SUGCT: variants seen among roughly 807,000 people sequenced by gnomAD.
SUGCT encodes the protein succinyl-CoA:glutarate-CoA transferase, also known as succinyl-CoA:glutarate CoA-transferase.
Under a neutral mutation model 55.0 loss-of-function variants are expected in SUGCT, and 41 were observed. The observed-to-expected ratio is 0.74, with a 90% CI of 0.58 to 0.97. The LOEUF (loss-of-function observed/expected upper bound fraction) is 0.97, where lower values mean the gene tolerates loss of function less well. Among genes scored for constraint, SUGCT ranks in the 50% least tolerant of loss-of-function variants. The pLI is 0.00. For missense variants in SUGCT, 568 were observed against 547.8 expected, an observed-to-expected ratio of 1.04 and a Z score of -0.37; for synonymous variants, 187 against 200.4, an observed-to-expected ratio of 0.93 and a Z score of 0.56.
chr7:40,201,663 T>C (rs1392640678), intron 6 of SUGCT, among the ~76,000 whole-genome samples: 1 of 152,228 alleles, frequency 6.6e-6, no homozygotes, highest in Non-Finnish European at 1.5e-5. Flanking sequence ...AGCATATAAA[T>C]ATAGGGTTTC....
chr7:40,743,016 A>G (rs1787546820), intron 12 of SUGCT, among the ~76,000 whole-genome samples: 1 of 152,198 alleles, frequency 6.6e-6, no homozygotes, highest in East Asian at 1.9e-4. Flanking sequence ...GTTTTCTTCA[A>G]GTTTAGTAGA....
the SUGCT span, among the ~76,000 whole-genome samples, chr7:40,889,479 T>C: frequency 3.9e-5 from 6 of 152,122 alleles, no homozygotes; most frequent in African/African-American, 1.4e-4. Context: ...TCAAAAGTAG[T>C]TCCCAGGGGC....
chr7:40,298,102 A>G (rs1045369774), intron 8 of SUGCT, among the ~76,000 whole-genome samples: 2 of 151,442 alleles, frequency 1.3e-5, no homozygotes. Flanking sequence ...GAAGTTAGCT[A>G]CAAGCCATGC....
chr7:40,245,420 T>TATATATATATATATATATATATAA (rs1789764314), intron 7 of SUGCT, among the ~76,000 whole-genome samples: 1 of 29,776 alleles, frequency 3.4e-5, no homozygotes, highest in Admixed American at 5.1e-4. Context: ...TATATATATA[T>TATATATATATATATATATATATAA]ATATTTTTTT....
intron 9 of SUGCT, among the ~76,000 whole-genome samples, chr7:40,369,219 C>G (rs936664892): frequency 6.6e-6 from 1 of 151,872 alleles, no homozygotes; most frequent in Non-Finnish European, 1.5e-5. Context: ...CATTTGGGAA[C>G]TAATACTTCA....
intron 12 of SUGCT, among the ~76,000 whole-genome samples, chr7:40,568,651 A>G (rs1007401326): frequency 2.0e-5 from 3 of 152,188 alleles, no homozygotes; most frequent in African/African-American, 7.2e-5. Context: ...CTTGCTGGAA[A>G]ATGACATTGT....
chr7:40,307,235 G>A (rs1021403836), intron 8 of SUGCT, among the ~76,000 whole-genome samples: 10 of 152,288 alleles, frequency 6.6e-5, no homozygotes, highest in African/African-American at 2.4e-4. Flanking sequence ...ACATTGCAGT[G>A]AAGCCAAACC....
chr7:40,962,769 G>A, the SUGCT span, among the ~76,000 whole-genome samples: 9 of 152,140 alleles, frequency 5.9e-5, no homozygotes, highest in African/African-American at 1.7e-4. Context: ...CAATGGCTCC[G>A]GGTTGACTTT....
the SUGCT span, among the ~76,000 whole-genome samples, chr7:40,885,347 C>A: frequency 6.6e-6 from 1 of 152,252 alleles, no homozygotes; most frequent in East Asian, 1.9e-4. Context: ...ACCACTTCTT[C>A]CTTCTTTTAA....
intron 12 of SUGCT, among the ~76,000 whole-genome samples, chr7:40,573,888 C>A (rs1432027026): frequency 6.6e-6 from 1 of 152,182 alleles, no homozygotes; most frequent in African/African-American, 2.4e-5. Context: ...ATTCATGTTT[C>A]TTACTTTCTC....
intron 12 of SUGCT, among the ~76,000 whole-genome samples, chr7:40,503,501 A>C (rs1187077247): frequency 6.6e-6 from 1 of 152,168 alleles, no homozygotes; most frequent in African/African-American, 2.4e-5. Flanking sequence ...AGATAGATCA[A>C]TGAAACATAA....
At chr7:40,715,542 G>GC (rs908215924) in intron 12 of SUGCT, among the ~76,000 whole-genome samples, 14 of 152,056 alleles carry the variant, frequency 9.2e-5, no homozygotes, top group African/African-American at 3.4e-4. Context: ...GCTTACCTTT[G>GC]CCCCCCCTCA....
At chr7:40,838,363 C>A (rs954162001) in intron 13 of SUGCT, among the ~76,000 whole-genome samples, 1 of 152,122 alleles carries the variant, frequency 6.6e-6, no homozygotes, top group African/African-American at 2.4e-5. Flanking sequence ...GAATTGACAT[C>A]TTTAATATGT....
chr7:40,913,412 T>C, the SUGCT span, among the ~76,000 whole-genome samples: 1 of 152,168 alleles, frequency 6.6e-6, no homozygotes, highest in East Asian at 1.9e-4. Flanking sequence ...TTTCCATTAG[T>C]CCACCCAAAG....
At chr7:40,663,486 T>C (rs1336043842) in intron 12 of SUGCT, among the ~76,000 whole-genome samples, 3 of 66,538 alleles carry the variant, frequency 4.5e-5, no homozygotes, top group Admixed American at 3.5e-4. Context: ...TTGTGGTGTA[T>C]GTGTGTGTGT....
chr7:40,312,659 A>G (rs1197090563), intron 8 of SUGCT, among the ~76,000 whole-genome samples: 1 of 152,190 alleles, frequency 6.6e-6, no homozygotes. Flanking sequence ...AGATAAATTA[A>G]GTGTTGTATT....
chr7:40,586,755 C>A (rs914159805), intron 12 of SUGCT, among the ~76,000 whole-genome samples: 1 of 152,156 alleles, frequency 6.6e-6, no homozygotes, highest in Non-Finnish European at 1.5e-5. Flanking sequence ...CTCAAAGGTA[C>A]AAGTTGATAT....
chr7:40,689,602 G>A (rs1265776786), intron 12 of SUGCT, among the ~76,000 whole-genome samples: 1 of 152,096 alleles, frequency 6.6e-6, no homozygotes, highest in Non-Finnish European at 1.5e-5. Flanking sequence ...GCATCATATA[G>A]CCAACACAGA....
intron 6 of SUGCT, among the ~76,000 whole-genome samples, chr7:40,195,903 A>G (rs1211528681): frequency 6.6e-6 from 1 of 151,558 alleles, no homozygotes; most frequent in Non-Finnish European, 1.5e-5. Flanking sequence ...TAGTAGAGAC[A>G]GTGTTTCACC....
Sources: allele counts gnomAD v4.1 joint callset (sites outside exome capture counted in the v4.1 genomes callset), GRCh38; gene constraint gnomAD v4.1.1; transcripts MANE v1.5; gene names NCBI Gene and HGNC (gene_info 2026-07-23, HGNC 2026-07-21).